The following SPIDR variants were observed in gnomAD, a reference collection of about 807,000 sequenced individuals.
SPIDR encodes the protein scaffold protein involved in DNA repair.
SPIDR carries 93 observed loss-of-function variants against 104.6 expected under a neutral mutation model. The ratio of observed to expected loss-of-function variants is 0.89; its 90% CI spans 0.75 to 1.06. The LOEUF is 1.06. SPIDR is among the 50% of genes least tolerant of loss of function. SPIDR has a pLI of 0.00. For missense variants in SPIDR, 1,154 were observed against 1,111.2 expected (o/e 1.04, Z -0.55); for synonymous variants, 431 against 416.9 (o/e 1.03, Z -0.41).
At chr8:47,450,565 AGTT>A (rs1554705281) in intron 8 of SPIDR, among the ~76,000 whole-genome samples, 2 of 152,248 alleles carry the variant, frequency 1.3e-5, no homozygotes, top group African/African-American at 4.8e-5. Context: ...AATGTGTACC[AGTT>A]GTTGTATTGT....
intron 8 of SPIDR, among the ~76,000 whole-genome samples, chr8:47,561,200 C>G (rs574375555): frequency 6.6e-6 from 1 of 152,228 alleles, no homozygotes. Context: ...CAAGTGAGAC[C>G]CAGGCTGTAC....
chr8:47,526,428 CA>C (rs2084995155), intron 8 of SPIDR, among the ~76,000 whole-genome samples: 1 of 152,130 alleles, frequency 6.6e-6, no homozygotes. Context: ...GGATTTTGGT[CA>C]CAGGGAGCAA....
chr8:47,298,966 A>G (rs2041475742), intron 5 of SPIDR, among the ~76,000 whole-genome samples: 1 of 152,170 alleles, frequency 6.6e-6, no homozygotes, highest in South Asian at 2.1e-4. Flanking sequence ...TGAACTTTAA[A>G]GTAGTTTTTT....
chr8:47,563,233 C>T (rs1428070036), intron 8 of SPIDR, among the ~76,000 whole-genome samples: 1 of 152,072 alleles, frequency 6.6e-6, no homozygotes, highest in East Asian at 1.9e-4. Context: ...GCAGTGGCCC[C>T]GTCAGGGCTC....
At chr8:47,423,278 C>T (rs759660322) in intron 7 of SPIDR, among the ~76,000 whole-genome samples, 10 of 143,714 alleles carry the variant, frequency 7.0e-5, no homozygotes, top group Admixed American at 1.5e-4. Context: ...GACTAGGTAA[C>T]AGAGCGAGAC....
chr8:47,483,142 GTTTTGT>G, intron 8 of SPIDR, among the ~76,000 whole-genome samples: 1 of 94,776 alleles, frequency 1.1e-5, no homozygotes, highest in South Asian at 7.0e-4. Context: ...TTTTTTGTTT[GTTTTGT>G]TTTGTTTTGT....
chr8:47,396,320 T>C (rs1227809049), intron 5 of SPIDR, 56 bp from the exon 6 acceptor site: 1 of 1,408,474 alleles, frequency 7.1e-7, no homozygotes, highest in East Asian at 2.3e-5. Context: ...AAATGTGGAC[T>C]TGAATAAAGT....
chr8:47,529,567 A>G (rs2085586240), intron 8 of SPIDR, among the ~76,000 whole-genome samples: 1 of 152,164 alleles, frequency 6.6e-6, no homozygotes, highest in Non-Finnish European at 1.5e-5. Context: ...TGTCACTACT[A>G]AGGCTACCTT....
At chr8:47,454,315 A>C (rs547859750) in intron 8 of SPIDR, among the ~76,000 whole-genome samples, 1 of 152,324 alleles carries the variant, frequency 6.6e-6, no homozygotes, top group South Asian at 2.1e-4. Flanking sequence ...GGATGAGTTC[A>C]TGTCCTTTGT....
chr8:47,368,159 A>T (rs147661767), intron 5 of SPIDR, among the ~76,000 whole-genome samples: 2 of 151,834 alleles, frequency 1.3e-5, no homozygotes, highest in East Asian at 3.9e-4. Flanking sequence ...GACCTTTTTA[A>T]TAAGGGCACT....
At chr8:47,385,750 G>T (rs1311529449) in intron 5 of SPIDR, among the ~76,000 whole-genome samples, 1 of 152,020 alleles carries the variant, frequency 6.6e-6, no homozygotes, top group Non-Finnish European at 1.5e-5. Flanking sequence ...GGAGTTTTTT[G>T]TACATCAAAG....
intron 10 of SPIDR, among the ~76,000 whole-genome samples, chr8:47,662,734 G>C (rs754868314): frequency 3.9e-5 from 6 of 152,184 alleles, no homozygotes; most frequent in Non-Finnish European, 5.9e-5. Context: ...GCTATGGTCT[G>C]AATGTTTGCA....
At chr8:47,360,617 G>C (rs948842119) in intron 5 of SPIDR, among the ~76,000 whole-genome samples, 4 of 152,196 alleles carry the variant, frequency 2.6e-5, no homozygotes, top group Non-Finnish European at 4.4e-5. Flanking sequence ...AGCCAGCTAC[G>C]TGTGCCTTGA....
chr8:47,302,882 A>G (rs2042402013), intron 5 of SPIDR, among the ~76,000 whole-genome samples: 1 of 152,038 alleles, frequency 6.6e-6, no homozygotes, highest in Non-Finnish European at 1.5e-5. Context: ...CAGTTAGGCT[A>G]CTCGAGGGTC....
At chr8:47,628,561 A>G (rs1480427934) in intron 10 of SPIDR, among the ~76,000 whole-genome samples, 1 of 152,188 alleles carries the variant, frequency 6.6e-6, no homozygotes, top group African/African-American at 2.4e-5. Context: ...TTTAAAATAA[A>G]AATAAAATGC....
intron 6 of SPIDR, among the ~76,000 whole-genome samples, chr8:47,404,771 CA>C (rs1554666225): frequency 6.6e-6 from 1 of 152,182 alleles, no homozygotes; most frequent in African/African-American, 2.4e-5. Flanking sequence ...TAAACTGGTT[CA>C]ACCATTGTGG....
At chr8:47,690,134 A>G (rs576938573) in intron 11 of SPIDR, among the ~76,000 whole-genome samples, 86 of 152,114 alleles carry the variant, frequency 5.7e-4, no homozygotes, top group Admixed American at 3.9e-3. Flanking sequence ...TTCCACCTCC[A>G]CGCTGGTGAG....
intron 7 of SPIDR, among the ~76,000 whole-genome samples, chr8:47,433,448 G>C (rs572365429): frequency 6.7e-6 from 1 of 149,862 alleles, no homozygotes; most frequent in African/African-American, 2.5e-5. Context: ...GAACTGATTC[G>C]ATCTTCTTTT....
chr8:47,730,241 A>C (rs2084980497), intron 19 of SPIDR, among the ~76,000 whole-genome samples: 1 of 152,230 alleles, frequency 6.6e-6, no homozygotes, highest in Non-Finnish European at 1.5e-5. Context: ...AAGCCACCTA[A>C]ATATATAATT....
Sources: gnomAD v4.1 joint callset for allele counts (sites outside exome capture counted in the v4.1 genomes callset) on GRCh38, gnomAD v4.1.1 for gene constraint, MANE v1.5 for transcripts, NCBI Gene and HGNC (gene_info 2026-07-23, HGNC 2026-07-21) for gene names.